The following NOTCH2 variants were observed in gnomAD, a reference collection of about 807,000 sequenced individuals.
The protein encoded by NOTCH2 is neurogenic locus notch homolog protein 2.
In NOTCH2, 29 loss-of-function variants were observed where a neutral mutation model predicts 235.8. The ratio of observed to expected loss-of-function variants is 0.12; its 90% CI spans 0.09 to 0.17. The LOEUF is 0.17. Among genes scored for constraint, NOTCH2 ranks in the 10% least tolerant of loss-of-function variants. The pLI is 1.00. For missense variants in NOTCH2, 2,285 were observed against 3,150.2 expected, an observed-to-expected ratio of 0.73 and a Z score of 6.57; for synonymous variants, 1,086 against 1,141.5, an observed-to-expected ratio of 0.95 and a Z score of 0.98.
chr1:119,958,714 A>ATG (rs10546889), intron 12 of NOTCH2, among the ~76,000 whole-genome samples: 72,289 of 149,732 alleles, frequency 0.48, 18,279 homozygotes, highest in East Asian at 0.76. Context: ...GAGAGAGAAG[A>ATG]TGTGTGTGTG....
At chr1:120,027,721 G>C (rs1452517461) in intron 2 of NOTCH2, among the ~76,000 whole-genome samples, 1 of 150,238 alleles carries the variant, frequency 6.7e-6, no homozygotes, top group East Asian at 2.0e-4. Flanking sequence ...GTGAGAACAT[G>C]CCGTGTTTGG....
At chr1:119,987,483 G>A (rs587712944) in intron 4 of NOTCH2, among the ~76,000 whole-genome samples, 29 of 152,266 alleles carry the variant, frequency 1.9e-4, no homozygotes, top group Admixed American at 1.5e-3. Context: ...TTAAATTTAA[G>A]TTCCTTTTAT....
In NOTCH2 at chr1:119,999,915, G is replaced by GAGAA. The variant is rs1652650974; in HGVS notation, c.416-2584_416-2583insTTCT. Among the ~76,000 whole-genome samples, 7 of 110,508 alleles carry GAGAA rather than the reference G, an allele frequency of 6.3e-5. 1 individual carries two copies. The South Asian group carries it at 2.4e-3, about 38-fold the overall frequency. 72.5% of individuals were successfully genotyped at this position (110,508 alleles called of 152,430 possible). A position where few individuals can be genotyped will look rare whatever the true frequency, so the allele number is the denominator to read the frequency against. ...GGAAAGAGAGAGAAAGAGAGAAAGA[G>GAGAA]AGAGAAAGAAAGAAAGAAAGAAAGA... On this transcript the variant is annotated intron_variant, in intron 3 of 33. Transcript: ENST00000256646.
rs782653733 is a variant in NOTCH2 at position 119,967,498 on chromosome 1, T to C, written c.1388A>G (p.Asp463Gly). 1 of 1,613,998 alleles carries C rather than the reference T, an allele frequency of 6.2e-7. No individual in the cohort carries two copies. Among genetic ancestry groups the C allele is most frequent in the Admixed American group, 1.7e-5 (1 of 60,014 alleles). Residue 463 changes from aspartate (D) to glycine (G), a missense_variant, in exon 8 of 34, where the codon GAC (aspartate) becomes GGC (glycine). Asp to Gly is a moderately conservative substitution (Grantham distance 94, BLOSUM62 -1). Coordinates refer to ENST00000256646, the MANE Select transcript of NOTCH2 (RefSeq NM_024408.4). ...CEMDINECHSDPCQNDATCLD... is the reference protein window; with the variant it reads ...CEMDINECHSGPCQNDATCLD... The stretch of plus-strand genomic sequence containing the variant: ...ACAGGTAGCATCATTCTGGCAGGGG[T>C]CTGAATGGCACTCATTGATGTCCAT...
intron 3 of NOTCH2, among the ~76,000 whole-genome samples, chr1:120,003,132 T>C (rs1652832819): frequency 1.3e-5 from 2 of 152,126 alleles, no homozygotes; most frequent in Non-Finnish European, 2.9e-5. Context: ...TGATCATCTG[T>C]CAGTAAATAT....
intron 29 of NOTCH2, among the ~76,000 whole-genome samples, chr1:119,921,098 T>C (rs1162037188): frequency 6.6e-6 from 1 of 152,232 alleles, no homozygotes; most frequent in Non-Finnish European, 1.5e-5. Context: ...GGCAGAGTTT[T>C]GGATTTGAAT....
intron 1 of NOTCH2, among the ~76,000 whole-genome samples, chr1:120,048,328 G>C (rs587638131): frequency 6.3e-4 from 86 of 136,884 alleles, no homozygotes; most frequent in African/African-American, 2.6e-3. Flanking sequence ...AGTGCTGTTG[G>C]AGACCTACCA....
chr1:119,954,112 T>C (rs1421218265), intron 13 of NOTCH2, among the ~76,000 whole-genome samples: 1 of 152,178 alleles, frequency 6.6e-6, no homozygotes, highest in African/African-American at 2.4e-5. Context: ...TCTAAGATGC[T>C]CCTGGGATAT....
At chr1:119,965,328 C>G (rs1374676990) in intron 10 of NOTCH2, 125 bp downstream of exon 10, 2 of 835,838 alleles carry the variant, frequency 2.4e-6, no homozygotes, top group Non-Finnish European at 4.2e-6. Flanking sequence ...AACAGCTCTT[C>G]CTAAACACAG....
At position 120,069,652 on chromosome 1, in the gene NOTCH2, C is replaced by T. The variant is rs1203925853; in HGVS notation, c.-246G>A. 5.9e-6 allele frequency: 8 copies of T among 1,364,488 alleles called. No homozygotes were observed. Among genetic ancestry groups the T allele is most frequent in the Middle Eastern group, 5.4e-4 (2 of 3,692 alleles). The allele number at this position is 1,364,488 out of a possible 1,614,324, so 84.5% of individuals were successfully genotyped here. A position where few individuals can be genotyped will look rare whatever the true frequency, so the allele number is the denominator to read the frequency against. ...GGCTGAAACTTTCTCGGGTGTGCAACGAAGCAGCCTCGTGTGTCCTTCCGC... is the reference window on the plus strand; with the variant it reads ...GGCTGAAACTTTCTCGGGTGTGCAATGAAGCAGCCTCGTGTGTCCTTCCGC... On this transcript the variant is annotated 5_prime_UTR_variant, in exon 1 of 34. Transcript: ENST00000256646.
chr1:119,928,984 G>A lies in NOTCH2; in HGVS notation c.3884C>T (p.Ala1295Val), dbSNP rs2101168946. 6.2e-7 allele frequency: 1 copy of A among 1,613,746 alleles called. No homozygotes were observed. The highest frequency in any genetic ancestry group is 1.1e-5 in the South Asian group (1 of 91,086). The change falls in exon 23 of 34, where the codon GCC (alanine) becomes GTC (valine). Residue 1295 changes from alanine (A) to valine (V), a missense_variant. Coordinates refer to ENST00000256646, the MANE Select transcript of NOTCH2 (RefSeq NM_024408.4). ...TNDYLCVCRS[A>V]FTGRHCETFV... is the part of the protein sequence containing the mutation. The stretch of plus-strand genomic sequence containing the variant: ...GCTAGAGAGCTTCTCACCAGTAAAG[G>A]CACTACGGCAAACACACAGGTAGTC...
At chr1:120,014,314 C>A (rs2101272330) in intron 2 of NOTCH2, among the ~76,000 whole-genome samples, 1 of 152,264 alleles carries the variant, frequency 6.6e-6, no homozygotes, top group African/African-American at 2.4e-5. Context: ...CCTGTAATCC[C>A]AGCACTGTGG....
chr1:120,043,676 T>A (rs1478267451), intron 1 of NOTCH2, among the ~76,000 whole-genome samples: 1 of 147,862 alleles, frequency 6.8e-6, no homozygotes, highest in Non-Finnish European at 1.5e-5. Flanking sequence ...GACTTGCTTA[T>A]CAAAAACAAA....
chr1:119,947,603 C>T (rs1553197194), intron 17 of NOTCH2, among the ~76,000 whole-genome samples: 1 of 152,192 alleles, frequency 6.6e-6, no homozygotes, highest in Non-Finnish European at 1.5e-5. Context: ...CTGGCAATTT[C>T]TTAAAAAGTG....
At chr1:119,961,821 A>G (rs587631333) in intron 11 of NOTCH2, among the ~76,000 whole-genome samples, 1 of 152,264 alleles carries the variant, frequency 6.6e-6, no homozygotes, top group South Asian at 2.1e-4. Flanking sequence ...AAACTGTAAA[A>G]TATTTCTTCC....
intron 1 of NOTCH2, among the ~76,000 whole-genome samples, chr1:120,055,702 T>TAAAAC (rs1164985806): frequency 6.6e-6 from 1 of 151,676 alleles, no homozygotes. Flanking sequence ...AATTTTTTCT[T>TAAAAC]AAAACAAAAC....
chr1:119,950,618 C>T (rs782152367), intron 15 of NOTCH2, 106 bp downstream of exon 15: 8 of 787,454 alleles, frequency 1.0e-5, no homozygotes, highest in Non-Finnish European at 1.9e-5. Context: ...GGAGTGAGCC[C>T]TCGGAGGAGC....
rs2101242047 is a variant in NOTCH2 at position 120,005,352 on chromosome 1, C to T, written c.392G>A (p.Cys131Tyr). Residue 131 changes from cysteine to tyrosine, a missense_variant, in exon 3 of 34, where the codon TGC becomes TAC. Coordinates refer to ENST00000256646, the MANE Select transcript of NOTCH2 (RefSeq NM_024408.4). ...CHMLSRDTYE[C>Y]TCQVGFTGKE... is the part of the protein sequence containing the mutation. Reference sequence around the variant, plus strand: ...ACCTGTAAACCCGACTTGACAGGTGCACTCATAGGTATCCCGGCTGAGCAT... The same window carrying T: ...ACCTGTAAACCCGACTTGACAGGTGTACTCATAGGTATCCCGGCTGAGCAT... The T allele has an allele frequency of 6.2e-7, 1 of 1,614,022 alleles. No individual in the cohort carries two copies. The highest frequency in any genetic ancestry group is 8.5e-7 in the Non-Finnish European group (1 of 1,179,868).
rs782563751 is a variant in NOTCH2, at chr1:119,969,532, T to A, written c.1087A>T (p.Met363Leu). 6.2e-7 allele frequency: 1 copy of A among 1,613,880 alleles called. No homozygotes were observed. The highest frequency in any genetic ancestry group is 1.3e-5 in the African/African-American group (1 of 75,010). The change falls in exon 6 of 34, where the codon ATG (methionine) becomes TTG (leucine). Residue 363 changes from methionine (M) to leucine (L), a missense_variant. This residue lies in a region of NOTCH2 where 431 missense variants were observed against 757.8 expected (regional missense o/e 0.57). Transcript: ENST00000256646. Reference protein sequence around the residue: ...CIDRVASFSCMCPEGKAGLLC... With the variant: ...CIDRVASFSCLCPEGKAGLLC... ...CTACCTGCCTTCCCCTCTGGGCACA[T>A]GCAAGAGAAGGAGGCCACACGGTCG...
Sources: allele counts gnomAD v4.1 joint callset (sites outside exome capture counted in the v4.1 genomes callset), GRCh38; gene constraint gnomAD v4.1.1; regional missense constraint gnomAD v4.1.1; transcripts MANE v1.5; gene names NCBI Gene and HGNC (gene_info 2026-07-23, HGNC 2026-07-21).